ZSCAN5A: variants seen among roughly 807,000 people sequenced by gnomAD.
ZSCAN5A encodes the protein zinc finger and SCAN domain containing 5A, also known as zinc finger and SCAN domain-containing protein 5A.
In ZSCAN5A, 12 loss-of-function variants were observed where a neutral mutation model predicts 23.7. That is an observed-to-expected ratio of 0.51 (90% CI 0.32 to 0.82). ZSCAN5A has a LOEUF of 0.82. ZSCAN5A is among the 40% of genes least tolerant of loss of function. The pLI, the probability that ZSCAN5A is intolerant of heterozygous loss-of-function variation, is 0.03. For synonymous variants in ZSCAN5A, 257 were observed against 239.9 expected, an observed-to-expected ratio of 1.07 and a Z score of -0.66; for missense variants, 597 against 617.9, an observed-to-expected ratio of 0.97 and a Z score of 0.36.
chr19:56,228,723 T>C (rs1218653438), intron 2 of ZSCAN5A, among the ~76,000 whole-genome samples: 1 of 152,180 alleles, frequency 6.6e-6, no homozygotes, highest in Non-Finnish European at 1.5e-5. Flanking sequence ...AGACAGTCTT[T>C]GTTGATACAT....
At chr19:56,250,321 T>G (rs543756431) in intron 2 of ZSCAN5A, among the ~76,000 whole-genome samples, 1 of 152,296 alleles carries the variant, frequency 6.6e-6, no homozygotes, top group Non-Finnish European at 1.5e-5. Context: ...TTTAAAAAAT[T>G]TTTCCAGGTA....
intron 2 of ZSCAN5A, among the ~76,000 whole-genome samples, chr19:56,230,834 C>T (rs1271766012): frequency 2.0e-5 from 3 of 152,186 alleles, no homozygotes; most frequent in Non-Finnish European, 4.4e-5. Context: ...AGCCTACCTT[C>T]GACGTGCTCA....
At chr19:56,301,970 A>G in intron 2 of ZSCAN5A, 1 of 1,232,192 alleles carries the variant, frequency 8.1e-7, no homozygotes, top group Non-Finnish European at 1.0e-6. Context: ...CTCTCCAGTT[A>G]AACCCTTCTC....
At chr19:56,306,206 G>C (rs528697821) in intron 2 of ZSCAN5A, among the ~76,000 whole-genome samples, 22 of 152,334 alleles carry the variant, frequency 1.4e-4, no homozygotes, top group African/African-American at 5.3e-4. Context: ...GTCAAGGCTA[G>C]GGTCCAGGGT....
intron 2 of ZSCAN5A, among the ~76,000 whole-genome samples, chr19:56,249,464 G>A (rs2036192339): frequency 6.6e-6 from 1 of 152,168 alleles, no homozygotes; most frequent in African/African-American, 2.4e-5. Context: ...TAGAGACAGG[G>A]TTTCGCCATG....
At chr19:56,302,669 C>T (rs2040419823) in intron 2 of ZSCAN5A, among the ~76,000 whole-genome samples, 1 of 139,428 alleles carries the variant, frequency 7.2e-6, no homozygotes, top group Admixed American at 7.3e-5. Context: ...CTGTTCTTTC[C>T]TTCCTCCTTC....
At chr19:56,238,129 GACAC>G (rs1195486737) in intron 2 of ZSCAN5A, among the ~76,000 whole-genome samples, 15 of 12,504 alleles carry the variant, frequency 1.2e-3, no homozygotes, top group Admixed American at 0.011. Flanking sequence ...CCCACACACA[GACAC>G]ACACATGGAC....
intron 2 of ZSCAN5A, among the ~76,000 whole-genome samples, chr19:56,329,690 A>C (rs1332505619): frequency 2.0e-5 from 3 of 152,088 alleles, no homozygotes; most frequent in African/African-American, 7.2e-5. Context: ...TTTAAAAAAC[A>C]TAAAAAAAAA....
intron 2 of ZSCAN5A, among the ~76,000 whole-genome samples, chr19:56,242,742 T>G (rs8110527): frequency 0.58 from 87,455 of 152,072 alleles, 25,607 homozygotes; most frequent in South Asian, 0.72. Context: ...CTAATGAAAC[T>G]ACATTTAGAA....
intron 2 of ZSCAN5A, among the ~76,000 whole-genome samples, chr19:56,311,235 T>C (rs1166654847): frequency 6.6e-6 from 1 of 152,200 alleles, no homozygotes; most frequent in African/African-American, 2.4e-5. Context: ...ATCATCCCTA[T>C]AGCCATCTTG....
Position 56,344,376 on chromosome 19 carries a change from G to A in ZSCAN5A, c.-358+18859C>T, listed in dbSNP as rs138440151. On this transcript the variant is annotated intron_variant, in intron 2 of 6. Transcript: ENST00000587340. The stretch of plus-strand genomic sequence containing the variant: ...TTTATTAAAGATTACACAAGCAAAG[G>A]TCATTCTGTTTTGGCTGTGTTTATG... 2.1e-3 allele frequency among the ~76,000 whole-genome samples: 325 copies of A among 152,290 alleles called. 1 individual carries two copies. The highest frequency in any genetic ancestry group is 7.3e-3 in the African/African-American group (304 of 41,548).
At chr19:56,231,993 TTTC>T (rs1429897104) in intron 2 of ZSCAN5A, among the ~76,000 whole-genome samples, 3 of 82,282 alleles carry the variant, frequency 3.6e-5, no homozygotes, top group Non-Finnish European at 7.7e-5. Flanking sequence ...CTTTTTTTCT[TTTC>T]TTTTTTTTTG....
chr19:56,302,547 TCCTC>T (rs141792778), intron 2 of ZSCAN5A, among the ~76,000 whole-genome samples: 34,148 of 78,494 alleles, frequency 0.44, 8,738 homozygotes, highest in Non-Finnish European at 0.54. Context: ...TCCTCCCCGT[TCCTC>T]CCTCCCTCCC....
intron 2 of ZSCAN5A, among the ~76,000 whole-genome samples, chr19:56,265,072 AG>A (rs1280758980): frequency 6.6e-6 from 1 of 152,144 alleles, no homozygotes; most frequent in Non-Finnish European, 1.5e-5. Flanking sequence ...CAGTGAGCTG[AG>A]ATCACACCAC....
chr19:56,326,241 A>G (rs1211335572), intron 2 of ZSCAN5A, among the ~76,000 whole-genome samples: 1 of 151,970 alleles, frequency 6.6e-6, no homozygotes, highest in Non-Finnish European at 1.5e-5. Flanking sequence ...CTGGCCTGAT[A>G]TACGTATATA....
intron 2 of ZSCAN5A, among the ~76,000 whole-genome samples, chr19:56,333,003 G>A (rs1007150707): frequency 6.6e-6 from 1 of 152,074 alleles, no homozygotes; most frequent in Non-Finnish European, 1.5e-5. Context: ...CTTCCAGCTT[G>A]CAAGGTTTCT....
At chr19:56,354,283 T>A (rs1273675119) in intron 2 of ZSCAN5A, among the ~76,000 whole-genome samples, 2 of 144,054 alleles carry the variant, frequency 1.4e-5, no homozygotes, top group African/African-American at 4.9e-5. Context: ...AGCCAGTCAA[T>A]TGTTTGTTTG....
At chr19:56,282,432 A>C (rs1451221935) in intron 2 of ZSCAN5A, 5 of 958,606 alleles carry the variant, frequency 5.2e-6, no homozygotes, top group Non-Finnish European at 6.2e-6. Context: ...CTTCATTGGC[A>C]ATATGGTTCC....
chr19:56,296,995 G>T (rs2039917455), intron 2 of ZSCAN5A, among the ~76,000 whole-genome samples: 1 of 152,060 alleles, frequency 6.6e-6, no homozygotes, highest in African/African-American at 2.4e-5. Flanking sequence ...CTTGAACCTG[G>T]GAAGCAGTGG....
Sources: gnomAD v4.1 joint callset for allele counts (sites outside exome capture counted in the v4.1 genomes callset) on GRCh38, gnomAD v4.1.1 for gene constraint, MANE v1.5 for transcripts, NCBI Gene and HGNC (gene_info 2026-07-23, HGNC 2026-07-21) for gene names.